Variants in CRYBA4 observed in about 807,000 individuals in gnomAD.
CRYBA4 encodes the protein beta-crystallin A4.
In CRYBA4, 30 loss-of-function variants were observed where a neutral mutation model predicts 31.7. The observed-to-expected ratio is 0.95, with a 90% CI of 0.71 to 1.28. The LOEUF (loss-of-function observed/expected upper bound fraction) is 1.28, where lower values mean the gene tolerates loss of function less well. Among genes scored for constraint, CRYBA4 ranks in the 50% most tolerant of loss-of-function variants. CRYBA4 has a pLI of 0.00. For synonymous variants in CRYBA4, 102 were observed against 102.3 expected (o/e 1.00, Z 0.02); for missense variants, 225 against 260.7 (o/e 0.86, Z 0.94).
At chr22:26,616,251 C>G in the CRYBA4 span, 1 of 1,614,090 alleles carries the variant, frequency 6.2e-7, no homozygotes, top group Admixed American at 1.7e-5. Context: ...GGGCCCCCTT[C>G]CCCTTGGTGT....
chr22:26,629,734 C>CAA (rs66906132), intron 5 of CRYBA4, among the ~76,000 whole-genome samples: 9 of 80,612 alleles, frequency 1.1e-4, no homozygotes, highest in African/African-American at 1.6e-4. Context: ...GACTCTGTCT[C>CAA]AAAAAAAAAA....
At chr22:26,627,952 C>T (rs990062132) in intron 4 of CRYBA4, among the ~76,000 whole-genome samples, 1 of 152,162 alleles carries the variant, frequency 6.6e-6, no homozygotes, top group Admixed American at 6.5e-5. Flanking sequence ...CGGGCCTCTA[C>T]ACCCTTTTTC....
chr22:26,599,492 A>G, the CRYBA4 span: 1 of 1,612,140 alleles, frequency 6.2e-7, no homozygotes, highest in Non-Finnish European at 8.5e-7. Flanking sequence ...GTGTGGACTC[A>G]CTTGGGGGGC....
intron 5 of CRYBA4, among the ~76,000 whole-genome samples, chr22:26,629,775 A>G (rs1003708480): frequency 2.0e-5 from 3 of 148,890 alleles, no homozygotes; most frequent in Non-Finnish European, 4.5e-5. Context: ...TTGAAATGAT[A>G]GCTTTTTTTC....
upstream of CRYBA4, among the ~76,000 whole-genome samples, chr22:26,620,968 G>T (rs1271975775): frequency 6.6e-6 from 1 of 152,184 alleles, no homozygotes; most frequent in African/African-American, 2.4e-5. Flanking sequence ...AGGTCACACG[G>T]ATGGTAAGAA....
chr22:26,611,642 T>TA, the CRYBA4 span, among the ~76,000 whole-genome samples: 1 of 151,668 alleles, frequency 6.6e-6, no homozygotes, highest in Non-Finnish European at 1.5e-5. Flanking sequence ...GCCCGGCTAA[T>TA]TTTTTGTATT....
At chr22:26,599,227 C>G in the CRYBA4 span, 5 of 509,050 alleles carry the variant, frequency 9.8e-6, no homozygotes, top group Non-Finnish European at 1.4e-5. Flanking sequence ...GGAACTTGGC[C>G]TTATTCATTT....
chr22:26,627,774 A>T (rs1186381110), intron 4 of CRYBA4, among the ~76,000 whole-genome samples: 1 of 151,676 alleles, frequency 6.6e-6, no homozygotes, highest in Non-Finnish European at 1.5e-5. Context: ...TCAGTCTCCC[A>T]AGTAGCTGAG....
chr22:26,601,875 T>C, the CRYBA4 span: 1 of 1,611,900 alleles, frequency 6.2e-7, no homozygotes, highest in South Asian at 1.1e-5. Context: ...GGAGGGATGC[T>C]TACGTTCCAC....
the CRYBA4 span, among the ~76,000 whole-genome samples, chr22:26,592,661 A>G: frequency 2.3e-4 from 35 of 152,306 alleles, 2 homozygotes; most frequent in East Asian, 6.6e-3. Flanking sequence ...GGCTGTGGGA[A>G]GGAGTCGGGG....
the CRYBA4 span, chr22:26,599,292 T>G: frequency 1.7e-6 from 1 of 598,378 alleles, no homozygotes; most frequent in East Asian, 2.8e-5. Flanking sequence ...TTTCAGTGTT[T>G]GCTGCTTTTA....
chr22:26,611,084 CT>C, the CRYBA4 span, among the ~76,000 whole-genome samples: 8 of 152,172 alleles, frequency 5.3e-5, no homozygotes, highest in African/African-American at 1.9e-4. Flanking sequence ...ATGGGAGTCA[CT>C]AAGGCCCAGA....
chr22:26,611,404 G>A, the CRYBA4 span, among the ~76,000 whole-genome samples: 2 of 152,058 alleles, frequency 1.3e-5, no homozygotes, highest in Admixed American at 6.5e-5. Context: ...ACAGCGAGTG[G>A]ACACTTCACT....
At chr22:26,597,359 C>T in the CRYBA4 span, among the ~76,000 whole-genome samples, 2 of 152,190 alleles carry the variant, frequency 1.3e-5, no homozygotes, top group Non-Finnish European at 2.9e-5. Context: ...GCATGTTGGG[C>T]ACAGCACAAG....
chr22:26,614,018 C>T, the CRYBA4 span, among the ~76,000 whole-genome samples: 2 of 152,150 alleles, frequency 1.3e-5, no homozygotes, highest in African/African-American at 4.8e-5. Context: ...CTCTCCCAGG[C>T]TTATTAGGAA....
rs1374906281 is a variant in CRYBA4, at chr22:26,630,400, C to G, written c.504C>G (p.His168Gln). Residue 168 changes from histidine to glutamine, a missense_variant, in exon 6 of 6, where the codon CAC becomes CAG. Coordinates refer to ENST00000354760, the MANE Select transcript of CRYBA4 (RefSeq NM_001886.3). ...RGFQYVLECD[H>Q]HSGDYKHFRE... ...TTCAGTATGTGCTGGAATGCGATCA[C>G]CATTCCGGTGACTACAAACATTTCC... 1.2e-6 allele frequency: 2 copies of G among 1,614,092 alleles called. No homozygotes were observed. Among genetic ancestry groups the G allele is most frequent in the African/African-American group, 2.7e-5 (2 of 74,958 alleles).
chr22:26,593,587 G>A, the CRYBA4 span, among the ~76,000 whole-genome samples: 120 of 152,148 alleles, frequency 7.9e-4, no homozygotes, highest in African/African-American at 2.8e-3. Context: ...GTACAGTGGT[G>A]TGATCTCGGC....
chr22:26,611,995 C>A, the CRYBA4 span: 1 of 1,064,826 alleles, frequency 9.4e-7, no homozygotes, highest in Non-Finnish European at 1.5e-6. Flanking sequence ...AGAGCAGATG[C>A]TGGAGAAATG....
At chr22:26,595,557 C>T in the CRYBA4 span, among the ~76,000 whole-genome samples, 2 of 126,856 alleles carry the variant, frequency 1.6e-5, no homozygotes, top group African/African-American at 3.1e-5. Context: ...CCAGCCTGGA[C>T]AACAAGAGCA....
Sources: allele counts gnomAD v4.1 joint callset (sites outside exome capture counted in the v4.1 genomes callset), GRCh38; gene constraint gnomAD v4.1.1; transcripts MANE v1.5; gene names NCBI Gene and HGNC (gene_info 2026-07-23, HGNC 2026-07-21).